AFG2A: variants seen among roughly 807,000 people sequenced by gnomAD.
The protein encoded by AFG2A is AAA ATPase AFG2A.
chr4:123,115,605 G>C, the AFG2A span, among the ~76,000 whole-genome samples: 1 of 152,068 alleles, frequency 6.6e-6, no homozygotes, highest in African/African-American at 2.4e-5. Flanking sequence ...AGGTAGGTCA[G>C]CCCGGCCCCA....
chr4:123,074,782 A>G, the AFG2A span, among the ~76,000 whole-genome samples: 2 of 152,190 alleles, frequency 1.3e-5, no homozygotes, highest in African/African-American at 2.4e-5. Context: ...GAGAAAATTA[A>G]AAGGGAGATG....
chr4:123,212,968 A>G, the AFG2A span, among the ~76,000 whole-genome samples: 5 of 152,180 alleles, frequency 3.3e-5, no homozygotes, highest in Non-Finnish European at 5.9e-5. Flanking sequence ...ACTTTTAGCC[A>G]TTAACAGCAT....
the AFG2A span, among the ~76,000 whole-genome samples, chr4:122,963,878 C>G: frequency 6.6e-6 from 1 of 152,058 alleles, no homozygotes; most frequent in Non-Finnish European, 1.5e-5. Context: ...TTAGTCCTCC[C>G]TCCTTGTCAT....
At chr4:123,112,345 T>C in the AFG2A span, among the ~76,000 whole-genome samples, 2 of 152,180 alleles carry the variant, frequency 1.3e-5, no homozygotes, top group African/African-American at 4.8e-5. Flanking sequence ...TTTGTTTGTT[T>C]TATGTGATCC....
the AFG2A span, among the ~76,000 whole-genome samples, chr4:123,118,818 G>A: frequency 6.6e-6 from 1 of 152,126 alleles, no homozygotes; most frequent in Middle Eastern, 3.4e-3. Context: ...TAATTTAAAA[G>A]GGTAAGTAAA....
chr4:123,184,540 T>A, the AFG2A span, among the ~76,000 whole-genome samples: 1 of 127,934 alleles, frequency 7.8e-6, no homozygotes, highest in Non-Finnish European at 1.6e-5. Flanking sequence ...TTCTTTTTTT[T>A]TTTTTTTTTT....
chr4:123,082,710 G>T, the AFG2A span, among the ~76,000 whole-genome samples: 1 of 152,042 alleles, frequency 6.6e-6, no homozygotes, highest in Non-Finnish European at 1.5e-5. Context: ...AGAATAACTT[G>T]TTGGGGTTTT....
the AFG2A span, among the ~76,000 whole-genome samples, chr4:123,092,491 T>C: frequency 6.6e-6 from 1 of 152,204 alleles, no homozygotes; most frequent in Non-Finnish European, 1.5e-5. Flanking sequence ...CTTAACTGCA[T>C]TTTTCTAAAT....
At chr4:123,056,409 A>G in the AFG2A span, 2 of 1,612,784 alleles carry the variant, frequency 1.2e-6, no homozygotes, top group Non-Finnish European at 1.7e-6. Flanking sequence ...ATGAATAAAT[A>G]TGTTGGTGAA....
the AFG2A span, among the ~76,000 whole-genome samples, chr4:122,970,148 A>T: frequency 6.6e-6 from 1 of 152,228 alleles, no homozygotes; most frequent in Non-Finnish European, 1.5e-5. Flanking sequence ...AGCAACTTCC[A>T]GTCCTATAAG....
At chr4:122,951,707 C>G in the AFG2A span, among the ~76,000 whole-genome samples, 1 of 152,142 alleles carries the variant, frequency 6.6e-6, no homozygotes, top group Admixed American at 6.5e-5. Context: ...CTGCTATGTC[C>G]TTGGCCTGTA....
chr4:123,053,912 A>T, the AFG2A span, among the ~76,000 whole-genome samples: 1 of 152,052 alleles, frequency 6.6e-6, no homozygotes, highest in East Asian at 1.9e-4. Context: ...GTCGGGGAGG[A>T]TCAGAGTCCC....
chr4:123,016,246 T>C, the AFG2A span, among the ~76,000 whole-genome samples: 1 of 145,824 alleles, frequency 6.9e-6, no homozygotes, highest in Admixed American at 6.8e-5. Flanking sequence ...ACGGGGCGGC[T>C]GGCCGGGCAG....
chr4:122,947,844 T>C, the AFG2A span, among the ~76,000 whole-genome samples: 1 of 152,034 alleles, frequency 6.6e-6, no homozygotes, highest in Non-Finnish European at 1.5e-5. Flanking sequence ...TTAAAAAATA[T>C]AGTATCACAA....
At chr4:122,952,508 C>T in the AFG2A span, among the ~76,000 whole-genome samples, 6 of 152,282 alleles carry the variant, frequency 3.9e-5, no homozygotes, top group East Asian at 1.9e-4. Context: ...TGGTGTCACA[C>T]GATGTGAGTA....
the AFG2A span, among the ~76,000 whole-genome samples, chr4:123,162,898 A>G: frequency 6.6e-6 from 1 of 152,228 alleles, no homozygotes. Context: ...CAGATTAATA[A>G]TAATGTTTAT....
chr4:123,245,596 A>T, the AFG2A span, among the ~76,000 whole-genome samples: 3 of 151,768 alleles, frequency 2.0e-5, no homozygotes, highest in Admixed American at 1.3e-4. Context: ...TGCATGCTAA[A>T]TTTTTTTTTC....
chr4:123,098,921 A>T, the AFG2A span, among the ~76,000 whole-genome samples: 1 of 151,850 alleles, frequency 6.6e-6, no homozygotes, highest in Non-Finnish European at 1.5e-5. Context: ...TTTATTTTAA[A>T]TTTTTTAGGA....
the AFG2A span, among the ~76,000 whole-genome samples, chr4:123,236,157 G>A: frequency 2.4e-4 from 36 of 152,182 alleles, no homozygotes; most frequent in African/African-American, 4.8e-5. Flanking sequence ...ATTTTTACAC[G>A]TAAAATTTAG....
Sources: gnomAD v4.1 joint callset for allele counts (sites outside exome capture counted in the v4.1 genomes callset) on GRCh38, gnomAD v4.1.1 for gene constraint, MANE v1.5 for transcripts, NCBI Gene and HGNC (gene_info 2026-07-23, HGNC 2026-07-21) for gene names.